Variants in FANCI observed in about 807,000 individuals in gnomAD.
FANCI encodes the protein FA complementation group I, also known as Fanconi anemia group I protein.
FANCI carries 156 observed loss-of-function variants against 176.1 expected under a neutral mutation model. The observed-to-expected ratio is 0.89, with a 90% CI of 0.78 to 1.01. The LOEUF (loss-of-function observed/expected upper bound fraction) is 1.01. Ranked by LOEUF, FANCI falls within the 50% of genes least tolerant of loss-of-function variation. FANCI has a pLI of 0.00. For synonymous variants in FANCI, 613 were observed against 541.7 expected (o/e 1.13, Z -1.83); for missense variants, 1,678 against 1,534.1 (o/e 1.09, Z -1.57).
intron 27 of FANCI, among the ~76,000 whole-genome samples, chr15:89,303,502 C>G (rs955387627): frequency 6.6e-6 from 1 of 152,178 alleles, no homozygotes; most frequent in Non-Finnish European, 1.5e-5. Flanking sequence ...CTCTTTCCCA[C>G]ACCTTTCTGA....
intron 2 of FANCI, among the ~76,000 whole-genome samples, chr15:89,256,447 A>G (rs1446589042): frequency 6.6e-6 from 1 of 152,206 alleles, no homozygotes; most frequent in Non-Finnish European, 1.5e-5. Context: ...CTCCAGCTAG[A>G]AACACCAGCC....
chr15:89,314,275 C>T (rs1216100479), intron 35 of FANCI, among the ~76,000 whole-genome samples: 2 of 152,120 alleles, frequency 1.3e-5, no homozygotes, highest in East Asian at 3.8e-4. Flanking sequence ...CAGACCAGAA[C>T]AAGGAAATAG....
chr15:89,255,952 A>C (rs969730270), intron 2 of FANCI, among the ~76,000 whole-genome samples: 10 of 152,356 alleles, frequency 6.6e-5, no homozygotes, highest in African/African-American at 2.4e-4. Context: ...CCTTTATCTC[A>C]GTCCTTTGAG....
chr15:89,286,108 TCAACCTCC>T (rs1176011387), intron 18 of FANCI, among the ~76,000 whole-genome samples: 1 of 152,076 alleles, frequency 6.6e-6, no homozygotes, highest in Non-Finnish European at 1.5e-5. Context: ...CTCCTGCTTC[TCAACCTCC>T]CAAGTACCTG....
chr15:89,294,946 T>C lies in FANCI; in HGVS notation c.2488T>C (p.Ser830Pro). ...TATCCAAAGCCACCAAGAAAGCCTT[T>C]CTGTTCTCAGGTCCAGCAATGAGTT... ...DSIQSHQESL[S>P]VLRSSNEFMR... The change falls in exon 24 of 38, where the codon TCT becomes CCT. Residue 830 changes from serine (S) to proline (P), a missense_variant. This residue lies in a region of FANCI where 1,204 missense variants were observed against 1,077.4 expected (regional missense o/e 1.12). Transcript: ENST00000310775. 1.9e-6 allele frequency: 3 copies of C among 1,552,386 alleles called. No homozygotes were observed. The highest frequency in any genetic ancestry group is 2.6e-6 in the Non-Finnish European group (3 of 1,147,128).
chr15:89,255,877 A>G (rs1182038523), intron 2 of FANCI, among the ~76,000 whole-genome samples: 1 of 152,244 alleles, frequency 6.6e-6, no homozygotes, highest in Non-Finnish European at 1.5e-5. Flanking sequence ...GGACAGAGTC[A>G]ATAGAAGAAA....
At chr15:89,251,372 C>T (rs1259169170) in intron 2 of FANCI, among the ~76,000 whole-genome samples, 1 of 152,152 alleles carries the variant, frequency 6.6e-6, no homozygotes, top group Non-Finnish European at 1.5e-5. Flanking sequence ...AAACTTCTGT[C>T]AAACCTTTAG....
chr15:89,310,111 G>T (rs945881908), intron 34 of FANCI, among the ~76,000 whole-genome samples: 1 of 152,312 alleles, frequency 6.6e-6, no homozygotes, highest in East Asian at 1.9e-4. Context: ...CTTGAACCCA[G>T]CTAGTTAGAC....
intron 27 of FANCI, among the ~76,000 whole-genome samples, chr15:89,302,454 A>G (rs2054557567): frequency 6.6e-6 from 1 of 152,204 alleles, no homozygotes; most frequent in South Asian, 2.1e-4. Context: ...TGGATTTAGG[A>G]AGGCTAAAAT....
intron 24 of FANCI, among the ~76,000 whole-genome samples, chr15:89,296,651 C>T (rs34026288): frequency 0.39 from 59,454 of 151,886 alleles, 11,699 homozygotes; most frequent in Non-Finnish European, 0.39. Context: ...ACCTTTCCCC[C>T]CTTTCTATTC....
chr15:89,296,530 G>C (rs1294748097), intron 24 of FANCI, among the ~76,000 whole-genome samples: 2 of 152,174 alleles, frequency 1.3e-5, no homozygotes, highest in East Asian at 1.9e-4. Flanking sequence ...CAGATCAACA[G>C]GATCCCAAGG....
intron 2 of FANCI, among the ~76,000 whole-genome samples, chr15:89,256,617 T>C (rs1390173305): frequency 1.3e-5 from 2 of 152,204 alleles, no homozygotes; most frequent in Non-Finnish European, 2.9e-5. Context: ...GTGTTTCTCT[T>C]CTTTATATTC....
intron 35 of FANCI, among the ~76,000 whole-genome samples, chr15:89,314,145 A>G (rs1048800952): frequency 2.0e-4 from 30 of 148,888 alleles, no homozygotes; most frequent in Non-Finnish European, 3.7e-4. Context: ...GTAGGACCAC[A>G]CACAAAAATG....
intron 16 of FANCI, 116 bp downstream of exon 16, chr15:89,281,951 C>T: frequency 1.0e-6 from 1 of 978,272 alleles, no homozygotes. Context: ...ATTCCTAGCC[C>T]CGCAGAGCAA....
chr15:89,287,204 A>G (rs1325567193), intron 18 of FANCI, among the ~76,000 whole-genome samples: 4 of 151,384 alleles, frequency 2.6e-5, no homozygotes, highest in African/African-American at 9.7e-5. Context: ...CAATCTCTTG[A>G]CCTCGTGATC....
At chr15:89,258,623 A>C in intron 2 of FANCI, 81 bp from the exon 3 acceptor site, 1 of 1,016,112 alleles carries the variant, frequency 9.8e-7, no homozygotes, top group East Asian at 2.4e-5. Context: ...GTGACAGAAG[A>C]GTACTTTTTC....
intron 24 of FANCI, among the ~76,000 whole-genome samples, chr15:89,297,044 G>C (rs1294849055): frequency 1.3e-5 from 2 of 151,236 alleles, no homozygotes; most frequent in African/African-American, 4.9e-5. Context: ...CCTGGACGGG[G>C]TGGCTGCCGG....
chr15:89,250,830 A>G (rs1204283149), intron 2 of FANCI, among the ~76,000 whole-genome samples: 1 of 151,722 alleles, frequency 6.6e-6, no homozygotes, highest in Non-Finnish European at 1.5e-5. Context: ...AATCCATGGA[A>G]TAATGTTAAA....
At chr15:89,256,452 C>T (rs1468548271) in intron 2 of FANCI, among the ~76,000 whole-genome samples, 2 of 152,208 alleles carry the variant, frequency 1.3e-5, no homozygotes, top group African/African-American at 4.8e-5. Context: ...GCTAGAAACA[C>T]CAGCCTCATG....
Sources: gnomAD v4.1 joint callset for allele counts (sites outside exome capture counted in the v4.1 genomes callset) on GRCh38, gnomAD v4.1.1 for gene constraint, gnomAD v4.1.1 regional missense constraint, MANE v1.5 for transcripts, NCBI Gene and HGNC (gene_info 2026-07-23, HGNC 2026-07-21) for gene names.